The following TBC1D1 variants were observed in gnomAD, a reference collection of about 807,000 sequenced individuals.
TBC1D1 encodes TBC1 (tre-2/USP6, BUB2, cdc16) domain family, member 1.
A neutral mutation model predicts 125.6 loss-of-function variants in TBC1D1; 89 were observed. The ratio of observed to expected loss-of-function variants is 0.71; its 90% CI spans 0.60 to 0.85. The LOEUF (loss-of-function observed/expected upper bound fraction) is 0.85, where lower values mean the gene tolerates loss of function less well. Among genes scored for constraint, TBC1D1 ranks in the 40% least tolerant of loss-of-function variants. The probability of loss-of-function intolerance (pLI) is 0.00; values close to 1 mark genes in which losing one functional copy is unlikely to be tolerated. For missense variants in TBC1D1, 1,377 were observed against 1,469.2 expected (o/e 0.94, Z 1.03); for synonymous variants, 565 against 564.1 (o/e 1.00, Z -0.02).
chr4:38,127,993 A>G (rs1764939865), intron 18 of TBC1D1, among the ~76,000 whole-genome samples: 1 of 152,182 alleles, frequency 6.6e-6, no homozygotes, highest in African/African-American at 2.4e-5. Context: ...CCATGACAGC[A>G]TGTAAGGGGA....
chr4:38,133,323 G>C (rs1765918905), intron 19 of TBC1D1, 66 bp downstream of exon 21: 1 of 1,462,246 alleles, frequency 6.8e-7, no homozygotes. Flanking sequence ...ACTCACCAAA[G>C]GCAACAGCAG....
At chr4:37,970,234 G>GT (rs1448977451) in intron 2 of TBC1D1, among the ~76,000 whole-genome samples, 2 of 152,204 alleles carry the variant, frequency 1.3e-5, no homozygotes, top group African/African-American at 4.8e-5. Context: ...GGGCATATAT[G>GT]TTTTCAATTT....
At position 38,138,262 on chromosome 4, in the gene TBC1D1, A is replaced by C. The variant is rs1766943651; in HGVS notation, c.*927A>C. On this transcript the variant is annotated 3_prime_UTR_variant, in exon 20 of 20. Transcript: ENST00000261439. Reference sequence around the variant, plus strand: ...CCCTACCAGGTATTGCTAGCATGTGAGCTGCAGTTGTGGGGTCTGAGATAT... The same window carrying C: ...CCCTACCAGGTATTGCTAGCATGTGCGCTGCAGTTGTGGGGTCTGAGATAT... 2 of 152,262 alleles carry C rather than the reference A, an allele frequency of 1.3e-5. No homozygotes were observed. Among genetic ancestry groups the C allele is most frequent in the East Asian group, 3.9e-4 (2 of 5,178 alleles). The allele number at this position is 152,262 out of a possible 1,614,324, so 9.4% of individuals were successfully genotyped here.
At chr4:37,895,167 A>G (rs973824209) in intron 1 of TBC1D1, among the ~76,000 whole-genome samples, 4 of 152,206 alleles carry the variant, frequency 2.6e-5, no homozygotes, top group African/African-American at 9.6e-5. Context: ...TTTCTGTGCC[A>G]CTATTCAATG....
intron 14 of TBC1D1, among the ~76,000 whole-genome samples, chr4:38,102,428 G>T (rs997889041): frequency 6.6e-6 from 1 of 152,112 alleles, no homozygotes; most frequent in Non-Finnish European, 1.5e-5. Context: ...TCCTTGCAGA[G>T]TCTGACAGGG....
chr4:38,054,418 AAGC>A, intron 12 of TBC1D1, 80 bp downstream of exon 14: 1 of 1,584,166 alleles, frequency 6.3e-7, no homozygotes. Flanking sequence ...ATTGGTAAGA[AAGC>A]AGAGCGCCGT....
intron 8 of TBC1D1, among the ~76,000 whole-genome samples, chr4:38,040,346 C>T (rs777992660): frequency 3.3e-5 from 5 of 152,026 alleles, no homozygotes; most frequent in Admixed American, 2.6e-4. Flanking sequence ...TAGAGTGCAG[C>T]GGCACAATCT....
chr4:38,102,411 T>A (rs1863327), intron 14 of TBC1D1, among the ~76,000 whole-genome samples: 80,075 of 151,740 alleles, frequency 0.53, 21,323 homozygotes, highest in Middle Eastern at 0.57. Flanking sequence ...CAGGTCGTAT[T>A]CTTTATTCCT....
At chr4:37,917,238 C>T (rs975245554) in intron 2 of TBC1D1, among the ~76,000 whole-genome samples, 2 of 151,722 alleles carry the variant, frequency 1.3e-5, no homozygotes, top group African/African-American at 2.4e-5. Context: ...TTTTGGGAGG[C>T]CGAGGCAGGT....
At chr4:37,985,357 CTG>C (rs780103996) in intron 2 of TBC1D1, among the ~76,000 whole-genome samples, 8 of 152,190 alleles carry the variant, frequency 5.3e-5, no homozygotes, top group African/African-American at 7.2e-5. Context: ...AACAAGTACT[CTG>C]TGCTCTTTTG....
intron 2 of TBC1D1, among the ~76,000 whole-genome samples, chr4:37,935,780 A>G (rs1403214865): frequency 1.3e-5 from 2 of 152,262 alleles, no homozygotes; most frequent in African/African-American, 4.8e-5. Context: ...TTTCCCCTCC[A>G]GTCTTACCTT....
chr4:37,959,372 T>C (rs1205974420), intron 2 of TBC1D1, among the ~76,000 whole-genome samples: 1 of 152,178 alleles, frequency 6.6e-6, no homozygotes, highest in Non-Finnish European at 1.5e-5. Context: ...GAAGAGAACA[T>C]ATTGCATTAT....
intron 13 of TBC1D1, among the ~76,000 whole-genome samples, chr4:38,094,567 A>C (rs780772510): frequency 6.6e-6 from 1 of 152,210 alleles, no homozygotes; most frequent in Non-Finnish European, 1.5e-5. Flanking sequence ...TTTAGGCAGC[A>C]GTGTTGTTAG....
intron 2 of TBC1D1, among the ~76,000 whole-genome samples, chr4:37,919,929 G>A (rs1409077054): frequency 6.6e-6 from 1 of 152,102 alleles, no homozygotes; most frequent in East Asian, 1.9e-4. Context: ...TGGCTAACAC[G>A]GTGCAACTCC....
chr4:37,978,447 G>A (rs1278918801), intron 2 of TBC1D1, among the ~76,000 whole-genome samples: 2 of 152,154 alleles, frequency 1.3e-5, no homozygotes, highest in Non-Finnish European at 2.9e-5. Flanking sequence ...ATACTGTGAG[G>A]CTTTACCAAT....
At chr4:38,129,126 G>A (rs1225962431) in intron 18 of TBC1D1, among the ~76,000 whole-genome samples, 1 of 152,156 alleles carries the variant, frequency 6.6e-6, no homozygotes, top group African/African-American at 2.4e-5. Context: ...GAGATCACCA[G>A]GGGATTCACA....
At chr4:38,037,327 C>T (rs575453752) in intron 8 of TBC1D1, among the ~76,000 whole-genome samples, 5 of 151,430 alleles carry the variant, frequency 3.3e-5, no homozygotes, top group Admixed American at 2.6e-4. Context: ...AGTGACTGAG[C>T]CTTACAAGCA....
intron 15 of TBC1D1, among the ~76,000 whole-genome samples, chr4:38,105,513 T>G (rs1761151303): frequency 6.6e-6 from 1 of 152,168 alleles, no homozygotes; most frequent in East Asian, 1.9e-4. Flanking sequence ...ATGCTGAGGA[T>G]TGGAGTGTGA....
intron 19 of TBC1D1, among the ~76,000 whole-genome samples, chr4:38,134,662 GT>G (rs1238123786): frequency 6.6e-6 from 1 of 152,214 alleles, no homozygotes; most frequent in African/African-American, 2.4e-5. Context: ...CAAATAAAAG[GT>G]TTGTTTTATT....
Sources: allele counts gnomAD v4.1 joint callset (sites outside exome capture counted in the v4.1 genomes callset), GRCh38; gene constraint gnomAD v4.1.1; transcripts MANE v1.5; gene names NCBI Gene and HGNC (gene_info 2026-07-23, HGNC 2026-07-21).